The following DOK5 variants were observed in gnomAD, a reference collection of about 807,000 sequenced individuals.
DOK5 encodes the protein downstream of tyrosine kinase 5.
A neutral mutation model predicts 43.3 loss-of-function variants in DOK5; 27 were observed. That is an observed-to-expected ratio of 0.62 (90% CI 0.46 to 0.86). The LOEUF (loss-of-function observed/expected upper bound fraction) is 0.86, where lower values mean the gene tolerates loss of function less well. Among genes scored for constraint, DOK5 ranks in the 40% least tolerant of loss-of-function variants. The pLI, the probability that DOK5 is intolerant of heterozygous loss-of-function variation, is 0.00. For missense variants in DOK5, 373 were observed against 392.9 expected (o/e 0.95, Z 0.43); for synonymous variants, 146 against 140.1 (o/e 1.04, Z -0.30).
At chr20:54,555,826 T>G (rs948821148) in intron 2 of DOK5, among the ~76,000 whole-genome samples, 3 of 152,228 alleles carry the variant, frequency 2.0e-5, no homozygotes, top group Admixed American at 2.0e-4. Flanking sequence ...TGAAGATTCT[T>G]TAAGCCTCAT....
intron 2 of DOK5, among the ~76,000 whole-genome samples, chr20:54,572,525 T>G (rs1430545189): frequency 6.6e-6 from 1 of 152,096 alleles, no homozygotes; most frequent in South Asian, 2.1e-4. Context: ...GAAAAAAAAT[T>G]AAATGACATG....
At chr20:54,648,571 G>A (rs201498979) in intron 7 of DOK5, among the ~76,000 whole-genome samples, 13 of 152,164 alleles carry the variant, frequency 8.5e-5, no homozygotes, top group Admixed American at 7.2e-4. Context: ...GTCAGCAAAT[G>A]CAAAGGCCCT....
chr20:54,610,454 A>G lies in DOK5; in HGVS notation c.666A>G (p.Lys222=). The stretch of plus-strand genomic sequence containing the variant: ...GAGACGGGGAGGCCATCTATCAGAA[A>G]GTCCACTCTGCTGCCTTGGCCATAG... The part of the protein sequence containing the change: ...QTRDGEAIYQ[K]VHSAALAIAE... Residue 222 remains lysine (K), a synonymous_variant, in exon 6 of 8, where the codon AAA becomes AAG. Transcript: ENST00000262593. 6.3e-7 allele frequency: 1 copy of G among 1,596,344 alleles called. No individual in the cohort carries two copies. Among genetic ancestry groups the G allele is most frequent in the Admixed American group, 1.8e-5 (1 of 56,852 alleles).
intron 6 of DOK5, 122 bp from the exon 7 acceptor site, chr20:54,643,336 T>G (rs781277123): frequency 1.5e-6 from 2 of 1,323,428 alleles, no homozygotes; most frequent in Non-Finnish European, 2.1e-6. Context: ...TCAATCGATG[T>G]TCATTGATTT....
chr20:54,554,324 C>A (rs1446234877), intron 1 of DOK5, among the ~76,000 whole-genome samples: 11 of 152,180 alleles, frequency 7.2e-5, no homozygotes, highest in Admixed American at 7.2e-4. Context: ...TCAACATGGC[C>A]AACAACTTCT....
intron 1 of DOK5, among the ~76,000 whole-genome samples, chr20:54,527,703 A>G (rs1318745890): frequency 6.6e-6 from 1 of 152,214 alleles, no homozygotes; most frequent in African/African-American, 2.4e-5. Flanking sequence ...ACAAAGTGGC[A>G]AAGGAATACA....
intron 1 of DOK5, among the ~76,000 whole-genome samples, chr20:54,502,999 T>C (rs1034532011): frequency 1.3e-5 from 2 of 152,226 alleles, no homozygotes; most frequent in African/African-American, 2.4e-5. Context: ...CTGGAAATAT[T>C]GATCTACAGT....
intron 2 of DOK5, among the ~76,000 whole-genome samples, chr20:54,572,515 G>GA (rs1289783604): frequency 1.3e-5 from 2 of 151,406 alleles, no homozygotes; most frequent in African/African-American, 4.9e-5. Context: ...AGTTAGATTG[G>GA]AAAAAAAATT....
chr20:54,581,986 A>G (rs1985658490), intron 2 of DOK5, among the ~76,000 whole-genome samples: 1 of 151,978 alleles, frequency 6.6e-6, no homozygotes, highest in Non-Finnish European at 1.5e-5. Flanking sequence ...TTAGGAAAAA[A>G]AAATGTTTTC....
At chr20:54,608,023 A>G (rs1229653003) in intron 5 of DOK5, among the ~76,000 whole-genome samples, 1 of 152,224 alleles carries the variant, frequency 6.6e-6, no homozygotes, top group Non-Finnish European at 1.5e-5. Flanking sequence ...TACAAATAAG[A>G]TAGAATAGAA....
intron 6 of DOK5, among the ~76,000 whole-genome samples, chr20:54,632,404 T>G (rs190966249): frequency 6.6e-6 from 1 of 152,260 alleles, no homozygotes; most frequent in Non-Finnish European, 1.5e-5. Context: ...GCTTCTATTA[T>G]GACCTTGTTC....
At chr20:54,513,263 A>G (rs1446500329) in intron 1 of DOK5, among the ~76,000 whole-genome samples, 4 of 152,122 alleles carry the variant, frequency 2.6e-5, no homozygotes, top group African/African-American at 9.7e-5. Context: ...TGCAATTCCT[A>G]ATTAGAAAAA....
At chr20:54,614,044 TTATATA>T (rs1380440120) in intron 6 of DOK5, among the ~76,000 whole-genome samples, 1 of 149,560 alleles carries the variant, frequency 6.7e-6, no homozygotes, top group African/African-American at 2.4e-5. Context: ...ATATATATGG[TTATATA>T]TATTTATATT....
chr20:54,526,967 ATTG>A (rs938782120), intron 1 of DOK5, among the ~76,000 whole-genome samples: 1 of 152,108 alleles, frequency 6.6e-6, no homozygotes, highest in Non-Finnish European at 1.5e-5. Flanking sequence ...TTCCTGGTTT[ATTG>A]TTGTTGTTTA....
chr20:54,641,972 C>T (rs1979139335), intron 6 of DOK5, among the ~76,000 whole-genome samples: 1 of 152,102 alleles, frequency 6.6e-6, no homozygotes, highest in South Asian at 2.1e-4. Flanking sequence ...GATATTCAAG[C>T]ATCCAGGAAA....
intron 6 of DOK5, among the ~76,000 whole-genome samples, chr20:54,614,237 ACT>A (rs979613988): frequency 2.0e-5 from 3 of 152,198 alleles, no homozygotes; most frequent in Admixed American, 6.5e-5. Flanking sequence ...TTCCAGGAAG[ACT>A]TTCTTTTCGA....
intron 2 of DOK5, among the ~76,000 whole-genome samples, chr20:54,580,986 A>G (rs902510179): frequency 4.6e-5 from 7 of 151,994 alleles, no homozygotes; most frequent in Admixed American, 4.6e-4. Context: ...CCTCTGTTTT[A>G]TTCTAGGAGT....
chr20:54,595,448 G>T (rs188196831), intron 5 of DOK5, among the ~76,000 whole-genome samples: 1 of 152,198 alleles, frequency 6.6e-6, no homozygotes, highest in Non-Finnish European at 1.5e-5. Context: ...AACAATGGTG[G>T]ATGAAAAGAT....
At chr20:54,537,479 T>C (rs568130620) in intron 1 of DOK5, among the ~76,000 whole-genome samples, 1 of 151,974 alleles carries the variant, frequency 6.6e-6, no homozygotes, top group East Asian at 1.9e-4. Flanking sequence ...AGGAAAAAAA[T>C]TGAAAATGTT....
Sources: allele counts gnomAD v4.1 joint callset (sites outside exome capture counted in the v4.1 genomes callset), GRCh38; gene constraint gnomAD v4.1.1; transcripts MANE v1.5; gene names NCBI Gene and HGNC (gene_info 2026-07-23, HGNC 2026-07-21).